The following PARD3B variants were observed in gnomAD, a reference collection of about 807,000 sequenced individuals.
PARD3B encodes the protein partitioning defective 3 homolog B.
In PARD3B, 103 loss-of-function variants were observed where a neutral mutation model predicts 130.2. That is an observed-to-expected ratio of 0.79 (90% CI 0.67 to 0.93). PARD3B has a LOEUF of 0.93. PARD3B is among the 40% of genes least tolerant of loss of function. The pLI, the probability that PARD3B is intolerant of heterozygous loss-of-function variation, is 0.00. For synonymous variants in PARD3B, 583 were observed against 553.2 expected (o/e 1.05, Z -0.76); for missense variants, 1,609 against 1,499.2 (o/e 1.07, Z -1.21).
At chr2:204,553,537 GGTGTGTGTGTGTGT>G (rs36193401) in intron 1 of PARD3B, among the ~76,000 whole-genome samples, 12 of 136,066 alleles carry the variant, frequency 8.8e-5, no homozygotes, top group African/African-American at 3.4e-4. Flanking sequence ...GAATCTGTGG[GGTGTGTGTGTGTGT>G]GTGTGTGTGT....
chr2:204,983,407 G>A (rs1156951694), intron 3 of PARD3B, among the ~76,000 whole-genome samples: 1 of 142,378 alleles, frequency 7.0e-6, no homozygotes, highest in South Asian at 2.5e-4. Flanking sequence ...TGTGGGGGGA[G>A]TCGGGAGAGG....
intron 16 of PARD3B, among the ~76,000 whole-genome samples, chr2:205,259,061 T>TCCTTA (rs1019186577): frequency 6.6e-6 from 1 of 152,174 alleles, no homozygotes; most frequent in African/African-American, 2.4e-5. Context: ...CCTTTAGCTT[T>TCCTTA]CCTTACCTGC....
chr2:205,103,278 CAT>C (rs1376340499), intron 4 of PARD3B, among the ~76,000 whole-genome samples: 49 of 142,714 alleles, frequency 3.4e-4, no homozygotes, highest in African/African-American at 1.1e-3. Flanking sequence ...GTAAAATAAA[CAT>C]ATTTTATATT....
intron 2 of PARD3B, among the ~76,000 whole-genome samples, chr2:204,786,970 A>G (rs35103196): frequency 3.3e-5 from 5 of 152,100 alleles, no homozygotes; most frequent in African/African-American, 9.7e-5. Context: ...CTCTGGACGT[A>G]TGGGATGTCA....
chr2:204,843,152 T>C (rs2044319704), intron 2 of PARD3B, among the ~76,000 whole-genome samples: 2 of 152,040 alleles, frequency 1.3e-5, no homozygotes, highest in Non-Finnish European at 2.9e-5. Flanking sequence ...CTTTGAGAAT[T>C]GTTACACTAG....
intron 15 of PARD3B, among the ~76,000 whole-genome samples, chr2:205,213,912 T>C (rs1050249538): frequency 6.6e-6 from 1 of 152,096 alleles, no homozygotes; most frequent in Non-Finnish European, 1.5e-5. Context: ...ATTGGAGGAA[T>C]CTATGAATAA....
At chr2:205,574,200 C>A (rs1392527863) in intron 22 of PARD3B, among the ~76,000 whole-genome samples, 2 of 152,142 alleles carry the variant, frequency 1.3e-5, no homozygotes, top group Non-Finnish European at 2.9e-5. Flanking sequence ...CTGGTGAGAA[C>A]CTCATTCTTC....
chr2:204,551,334 T>C (rs2030442955), intron 1 of PARD3B, among the ~76,000 whole-genome samples: 1 of 152,256 alleles, frequency 6.6e-6, no homozygotes, highest in Non-Finnish European at 1.5e-5. Flanking sequence ...CAACCATCAG[T>C]TGGAGCTGAG....
At chr2:204,548,650 T>C (rs2030202045) in intron 1 of PARD3B, among the ~76,000 whole-genome samples, 1 of 152,248 alleles carries the variant, frequency 6.6e-6, no homozygotes, top group Non-Finnish European at 1.5e-5. Context: ...CTAACTGCTA[T>C]ATCACATCAA....
At chr2:205,161,846 G>A (rs1021634752) in intron 11 of PARD3B, among the ~76,000 whole-genome samples, 4 of 152,138 alleles carry the variant, frequency 2.6e-5, no homozygotes, top group African/African-American at 7.2e-5. Context: ...TTTCCCTTTA[G>A]GGAAGGTGGA....
rs1696637149 is a variant in PARD3B at position 205,021,827 on chromosome 2, T to A, written c.395-25754T>A. ...CACAGGGAACTCAGGTCCCTTGGATTCTGTAGCACTGGTTTTATTCCTACA... is the reference window on the plus strand; with the variant it reads ...CACAGGGAACTCAGGTCCCTTGGATACTGTAGCACTGGTTTTATTCCTACA... On this transcript the variant is annotated intron_variant, in intron 3 of 22. Transcript: ENST00000406610. The surrounding 1 kb of genome is among the most constrained non-coding windows in gnomAD (Gnocchi z 4.5). 6.6e-6 allele frequency among the ~76,000 whole-genome samples: 1 copy of A among 152,110 alleles called. No individual in the cohort carries two copies. The highest frequency in any genetic ancestry group is 1.5e-5 in the Non-Finnish European group (1 of 68,022).
intron 1 of PARD3B, among the ~76,000 whole-genome samples, chr2:204,679,281 A>G (rs1284069929): frequency 6.6e-6 from 1 of 152,208 alleles, no homozygotes; most frequent in Non-Finnish European, 1.5e-5. Context: ...GGTTAGGTAT[A>G]TATTCATAGC....
At chr2:205,578,264 T>A (rs965716264) in intron 22 of PARD3B, among the ~76,000 whole-genome samples, 2 of 152,224 alleles carry the variant, frequency 1.3e-5, no homozygotes, top group Non-Finnish European at 2.9e-5. Flanking sequence ...TGTGTGTCAA[T>A]TCCAAATAAC....
chr2:204,862,356 A>G (rs932854871), intron 2 of PARD3B, among the ~76,000 whole-genome samples: 7 of 152,176 alleles, frequency 4.6e-5, no homozygotes, highest in African/African-American at 1.7e-4. Flanking sequence ...GTGGCTTTTA[A>G]TGTCCTTCTT....
At chr2:204,710,536 G>T (rs1208683202) in intron 2 of PARD3B, among the ~76,000 whole-genome samples, 1 of 152,182 alleles carries the variant, frequency 6.6e-6, no homozygotes, top group Non-Finnish European at 1.5e-5. Flanking sequence ...TTAGACAGGG[G>T]CTCAAAGTCT....
chr2:205,225,265 A>C (rs907016863), intron 15 of PARD3B, among the ~76,000 whole-genome samples: 1 of 152,154 alleles, frequency 6.6e-6, no homozygotes, highest in Admixed American at 6.5e-5. Flanking sequence ...CCTTGCCAGC[A>C]TTTGTTATTG....
In PARD3B at chr2:205,004,927, GT is replaced by G. The variant is rs1338124852; in HGVS notation, c.394+39607del. Reference sequence around the variant, plus strand: ...CTGCTGTCCTCCTCTCTCATACTCTGTTTCTTGAGACAGAATTTCTGTTGAG... The same window carrying G: ...CTGCTGTCCTCCTCTCTCATACTCTGTTCTTGAGACAGAATTTCTGTTGAG... On this transcript the variant is annotated intron_variant, in intron 3 of 22. Coordinates refer to ENST00000406610, the MANE Select transcript of PARD3B (RefSeq NM_001302769.2). Among the ~76,000 whole-genome samples, 4 of 152,084 alleles carry G rather than the reference GT, an allele frequency of 2.6e-5. No homozygotes were observed. In the East Asian group the frequency reaches 7.7e-4, roughly 29 times the overall value.
intron 2 of PARD3B, among the ~76,000 whole-genome samples, chr2:204,838,898 A>G (rs1462736773): frequency 1.3e-5 from 2 of 152,208 alleles, no homozygotes; most frequent in African/African-American, 4.8e-5. Context: ...CAAGACGTTG[A>G]AAGGGCCTAA....
intron 16 of PARD3B, chr2:205,293,602 GA>G (rs1425550182): frequency 6.6e-6 from 1 of 152,152 alleles, no homozygotes; most frequent in Non-Finnish European, 1.5e-5. Context: ...AGTATGCAAA[GA>G]AAGGCAAAAT....
Sources: gnomAD v4.1 joint callset for allele counts (sites outside exome capture counted in the v4.1 genomes callset) on GRCh38, gnomAD v4.1.1 for gene constraint, Gnocchi (gnomAD v3.1) non-coding constraint, MANE v1.5 for transcripts, NCBI Gene and HGNC (gene_info 2026-07-23, HGNC 2026-07-21) for gene names.